Variants in PARD3 observed in about 807,000 individuals in gnomAD.
PARD3 encodes par-3 family cell polarity regulator, also known as partitioning defective 3 homolog.
Under a neutral mutation model 155.4 loss-of-function variants are expected in PARD3, and 75 were observed. The ratio of observed to expected loss-of-function variants is 0.48; its 90% CI spans 0.40 to 0.58. The LOEUF is 0.58. PARD3 is among the 20% of genes least tolerant of loss of function. PARD3 has a pLI of 0.00. For synonymous variants in PARD3, 576 were observed against 610.5 expected, an observed-to-expected ratio of 0.94 and a Z score of 0.83; for missense variants, 1,642 against 1,721.7, an observed-to-expected ratio of 0.95 and a Z score of 0.82.
At chr10:34,618,614 A>G (rs2132687858) in intron 2 of PARD3, among the ~76,000 whole-genome samples, 1 of 152,344 alleles carries the variant, frequency 6.6e-6, no homozygotes, top group South Asian at 2.1e-4. Flanking sequence ...AACTAATGGT[A>G]TGTATCAATC....
intron 5 of PARD3, among the ~76,000 whole-genome samples, chr10:34,422,016 T>C (rs1381832321): frequency 2.6e-5 from 4 of 152,028 alleles, no homozygotes; most frequent in Non-Finnish European, 4.4e-5. Context: ...TAAAGCAATT[T>C]CCAGGCAGAG....
At chr10:34,353,725 A>T (rs1303444568) in intron 14 of PARD3, among the ~76,000 whole-genome samples, 1 of 87,176 alleles carries the variant, frequency 1.1e-5, no homozygotes, top group East Asian at 4.4e-4. Context: ...ATAAATAAAT[A>T]AAAAAATAAA....
intron 2 of PARD3, among the ~76,000 whole-genome samples, chr10:34,549,411 G>C (rs559785312): frequency 6.6e-6 from 1 of 152,302 alleles, no homozygotes; most frequent in South Asian, 2.1e-4. Flanking sequence ...TTACAGAGAT[G>C]AGATTCTCTT....
intron 2 of PARD3, among the ~76,000 whole-genome samples, chr10:34,603,590 T>C (rs1410593899): frequency 1.3e-5 from 2 of 152,182 alleles, no homozygotes; most frequent in Non-Finnish European, 2.9e-5. Flanking sequence ...ATATGCAGAC[T>C]AGAACCTTGA....
At chr10:34,413,196 T>C (rs952879028) in intron 5 of PARD3, among the ~76,000 whole-genome samples, 1 of 149,620 alleles carries the variant, frequency 6.7e-6, no homozygotes, top group Non-Finnish European at 1.5e-5. Context: ...TATAAGACTT[T>C]GTAACTGATA....
At chr10:34,254,258 A>G (rs991439837) in intron 22 of PARD3, among the ~76,000 whole-genome samples, 1 of 152,074 alleles carries the variant, frequency 6.6e-6, no homozygotes, top group Non-Finnish European at 1.5e-5. Flanking sequence ...CACGTGCTGT[A>G]GTCCCAGCTA....
chr10:34,293,845 C>A (rs1430019163), intron 20 of PARD3, among the ~76,000 whole-genome samples: 2 of 152,178 alleles, frequency 1.3e-5, no homozygotes, highest in Non-Finnish European at 2.9e-5. Flanking sequence ...TATTAAGCTT[C>A]TTTTGTTAAA....
rs938128446 is a variant in PARD3, at chr10:34,531,857, C to A, written c.223-14698G>T. 1.8e-4 allele frequency among the ~76,000 whole-genome samples: 27 copies of A among 152,144 alleles called. 1 individual carries two copies. The highest frequency in any genetic ancestry group is 6.5e-4 in the African/African-American group (27 of 41,420). The stretch of plus-strand genomic sequence containing the variant: ...TTCATATTAAACATGATGAAAAATG[C>A]ATGAGAACCAAGAGCAATTACTTTT... On this transcript the variant is annotated intron_variant, in intron 2 of 24. Transcript: ENST00000374788.
chr10:34,519,348 G>A (rs1205936153), intron 2 of PARD3, among the ~76,000 whole-genome samples: 1 of 151,998 alleles, frequency 6.6e-6, no homozygotes, highest in Non-Finnish European at 1.5e-5. Flanking sequence ...TAGATGAAGT[G>A]TATATGGAAA....
rs556072416 is a variant in PARD3, at chr10:34,655,230, C to T, written c.222+41088G>A. 2.6e-5 allele frequency among the ~76,000 whole-genome samples: 4 copies of T among 152,136 alleles called. No individual in the cohort carries two copies. In the East Asian group the frequency reaches 7.7e-4, roughly 29 times the overall value. On this transcript the variant is annotated intron_variant, in intron 2 of 24. Coordinates refer to ENST00000374788, the MANE Select transcript of PARD3 (RefSeq NM_001184785.2). The stretch of plus-strand genomic sequence containing the variant: ...AACTTAACACCCTATCAAATCATTA[C>T]AAAGTGGAGTTCGAATTGTATGCAA...
intron 5 of PARD3, among the ~76,000 whole-genome samples, chr10:34,424,905 TA>T (rs1362513220): frequency 6.6e-6 from 1 of 152,124 alleles, no homozygotes; most frequent in Non-Finnish European, 1.5e-5. Flanking sequence ...CTTTACTATT[TA>T]AAAAATTAAA....
intron 2 of PARD3, among the ~76,000 whole-genome samples, chr10:34,600,485 G>A (rs2089670140): frequency 6.6e-6 from 1 of 152,150 alleles, no homozygotes; most frequent in Admixed American, 6.5e-5. Flanking sequence ...TGTTAGGGAG[G>A]ATGTGAAAAA....
At chr10:34,684,878 T>TACACACACACACACAC (rs57035644) in intron 2 of PARD3, among the ~76,000 whole-genome samples, 6 of 137,774 alleles carry the variant, frequency 4.4e-5, no homozygotes, top group Non-Finnish European at 7.8e-5. Flanking sequence ...TACACACACA[T>TACACACACACACACAC]ACACACACAC....
intron 14 of PARD3, among the ~76,000 whole-genome samples, chr10:34,348,511 C>T (rs1837663747): frequency 6.6e-6 from 1 of 152,128 alleles, no homozygotes; most frequent in Non-Finnish European, 1.5e-5. Flanking sequence ...AGAATGGAAG[C>T]TGCAATTTAG....
intron 2 of PARD3, among the ~76,000 whole-genome samples, chr10:34,692,453 A>G (rs1020656767): frequency 1.3e-5 from 2 of 152,188 alleles, no homozygotes; most frequent in Non-Finnish European, 2.9e-5. Context: ...GAAACTATCA[A>G]CAGAGTAAAC....
intron 9 of PARD3, among the ~76,000 whole-genome samples, chr10:34,381,684 C>A (rs1330636003): frequency 6.6e-6 from 1 of 151,812 alleles, no homozygotes; most frequent in Non-Finnish European, 1.5e-5. Flanking sequence ...ATAATCCCAG[C>A]ACTTTGGGAA....
intron 4 of PARD3, among the ~76,000 whole-genome samples, chr10:34,460,716 C>T (rs1301997019): frequency 4.6e-5 from 7 of 151,980 alleles, no homozygotes; most frequent in Non-Finnish European, 1.0e-4. Context: ...ACCTGTAGTC[C>T]CAGCTACTCG....
chr10:34,158,425 T>G (rs1949117228), intron 22 of PARD3, among the ~76,000 whole-genome samples: 1 of 152,220 alleles, frequency 6.6e-6, no homozygotes, highest in African/African-American at 2.4e-5. Context: ...GATTCACGAT[T>G]CTTTTCCATT....
chr10:34,429,147 G>C (rs549358471), intron 5 of PARD3, among the ~76,000 whole-genome samples: 1 of 152,114 alleles, frequency 6.6e-6, no homozygotes, highest in Admixed American at 6.5e-5. Flanking sequence ...ACTTGAAAAA[G>C]ACTTAGTTTC....
Sources: gnomAD v4.1 joint callset for allele counts (sites outside exome capture counted in the v4.1 genomes callset) on GRCh38, gnomAD v4.1.1 for gene constraint, MANE v1.5 for transcripts, NCBI Gene and HGNC (gene_info 2026-07-23, HGNC 2026-07-21) for gene names.